The following SYT10 variants were observed in gnomAD, a reference collection of about 807,000 sequenced individuals.
SYT10 encodes synaptotagmin-10.
A neutral mutation model predicts 51.1 loss-of-function variants in SYT10; 31 were observed. The observed-to-expected ratio is 0.61, with a 90% confidence interval of 0.46 to 0.82. The LOEUF is 0.82. Among genes scored for constraint, SYT10 ranks in the 40% least tolerant of loss-of-function variants. SYT10 has a pLI of 0.00. For missense variants in SYT10, 603 were observed against 634.0 expected (o/e 0.95, Z 0.53); for synonymous variants, 233 against 225.9 (o/e 1.03, Z -0.28).
Position 33,380,757 on chromosome 12 carries a change from G to A in SYT10, c.1371-796C>T, listed in dbSNP as rs12296297. On this transcript the variant is annotated intron_variant, in intron 5 of 6. Transcript: ENST00000228567. ...GCCAGACTTTACACACTTAGTAAGA[G>A]GCAGAGACAGGAGCTGAATCAAAGG... 8.6e-3 allele frequency among the ~76,000 whole-genome samples: 1,306 copies of A among 152,218 alleles called. 18 individuals are homozygous for A. Among genetic ancestry groups the A allele is most frequent in the African/African-American group, 0.03 (1,230 of 41,516 alleles).
chr12:33,396,785 G>A (rs1490116787), intron 3 of SYT10, among the ~76,000 whole-genome samples: 2 of 151,758 alleles, frequency 1.3e-5, no homozygotes, highest in Non-Finnish European at 2.9e-5. Flanking sequence ...CTGGGTTGAA[G>A]CAATTCTGCC....
intron 1 of SYT10, among the ~76,000 whole-genome samples, chr12:33,427,961 A>G (rs1311885487): frequency 1.3e-5 from 2 of 152,254 alleles, no homozygotes. Context: ...AAATGAAAAT[A>G]TGCATTTCAG....
intron 5 of SYT10, 110 bp downstream of exon 5, chr12:33,382,239 C>T (rs554230368): frequency 2.1e-5 from 21 of 1,017,290 alleles, no homozygotes; most frequent in Non-Finnish European, 2.7e-5. Context: ...ATTATTCCCT[C>T]CTCCAATTTA....
chr12:33,386,325 C>A (rs577639454), intron 3 of SYT10, among the ~76,000 whole-genome samples: 1 of 152,140 alleles, frequency 6.6e-6, no homozygotes, highest in Non-Finnish European at 1.5e-5. Context: ...ACGTCACACA[C>A]ATAAGGTTTA....
At chr12:33,385,406 C>T (rs1412852755) in intron 3 of SYT10, 115 bp from the exon 4 acceptor site, 2 of 1,393,596 alleles carry the variant, frequency 1.4e-6, no homozygotes, top group African/African-American at 2.9e-5. Context: ...GAGGATAATA[C>T]AGATAACATT....
At position 33,407,183 on chromosome 12, in the gene SYT10, T is replaced by C. The variant is rs761621570; in HGVS notation, c.683A>G (p.Asp228Gly). The change falls in exon 3 of 7, where the codon GAT (aspartate) becomes GGT (glycine). Residue 228 changes from aspartate (D) to glycine (G), a missense_variant. Physicochemically the swap from Asp to Gly is moderately conservative, Grantham distance 94. Coordinates refer to ENST00000228567, the MANE Select transcript of SYT10 (RefSeq NM_198992.4). ...GTTAAGTTTCCCACAGATTTTGACA[T>C]CTTCGTTTTGGTTGCCCTCAGAGTC... ...SVDSEGNQNE[D>G]VKICGKLNFT... 2.5e-6 allele frequency: 4 copies of C among 1,614,192 alleles called. No individual in the cohort carries two copies. The highest frequency in any genetic ancestry group is 3.4e-6 in the Non-Finnish European group (4 of 1,180,028).
At chr12:33,404,627 G>A (rs1489309079) in intron 3 of SYT10, among the ~76,000 whole-genome samples, 4 of 152,014 alleles carry the variant, frequency 2.6e-5, no homozygotes, top group Non-Finnish European at 5.9e-5. Flanking sequence ...TCTTGACCTC[G>A]TGATCCACCC....
rs556751685 is a variant in SYT10 at position 33,426,259 on chromosome 12, C to T, written c.388G>A (p.Ala130Thr). ...GGGGAAGTGTGGCTGATTTTTATTG[C>T]AGGCTCAATAGCTTTTACGGCTGGC... is the stretch of plus-strand genomic sequence containing the variant. ...EKPAVKAIEP[A>T]IKISHTSPDI... Residue 130 changes from alanine (A) to threonine (T), a missense_variant, in exon 2 of 7, where the codon GCA becomes ACA. Coordinates refer to ENST00000228567, the MANE Select transcript of SYT10 (RefSeq NM_198992.4). 3.2e-5 allele frequency: 51 copies of T among 1,614,130 alleles called. No individual in the cohort carries two copies. The highest frequency in any genetic ancestry group is 1.5e-4 in the South Asian group (14 of 91,076).
chr12:33,425,972 T>A (rs1389776012), intron 2 of SYT10, among the ~76,000 whole-genome samples, 166 bp downstream of exon 2: 2 of 151,916 alleles, frequency 1.3e-5, no homozygotes, highest in Non-Finnish European at 2.9e-5. Context: ...CTACCCTTTC[T>A]CTCTTTATTT....
intron 3 of SYT10, among the ~76,000 whole-genome samples, chr12:33,394,491 G>A (rs1284327184): frequency 1.3e-5 from 2 of 152,190 alleles, no homozygotes; most frequent in Non-Finnish European, 2.9e-5. Flanking sequence ...CAGTCGAGTG[G>A]ATAACAAGAA....
intron 2 of SYT10, among the ~76,000 whole-genome samples, chr12:33,422,805 T>TTC (rs1455129794): frequency 2.0e-5 from 3 of 152,256 alleles, no homozygotes; most frequent in Admixed American, 6.5e-5. Flanking sequence ...GAATTCCACA[T>TTC]TCTCCATCAC....
chr12:33,412,742 A>G (rs1866418372), intron 2 of SYT10, among the ~76,000 whole-genome samples: 1 of 152,156 alleles, frequency 6.6e-6, no homozygotes, highest in Non-Finnish European at 1.5e-5. Context: ...GAAAAAACAG[A>G]GCAGAAAACC....
At chr12:33,380,917 T>TC (rs1320431059) in intron 5 of SYT10, among the ~76,000 whole-genome samples, 1 of 152,208 alleles carries the variant, frequency 6.6e-6, no homozygotes, top group Non-Finnish European at 1.5e-5. Context: ...TACTTTTTTT[T>TC]CCATCATTGA....
intron 3 of SYT10, among the ~76,000 whole-genome samples, chr12:33,398,517 C>G (rs1866276899): frequency 6.6e-6 from 1 of 151,740 alleles, no homozygotes; most frequent in Non-Finnish European, 1.5e-5. Flanking sequence ...TGTCTCAAAA[C>G]AAACAAACAA....
intron 1 of SYT10, among the ~76,000 whole-genome samples, chr12:33,438,525 C>A (rs1010789866): frequency 6.6e-6 from 1 of 152,154 alleles, no homozygotes; most frequent in African/African-American, 2.4e-5. Context: ...CACCCCCAAG[C>A]CTTGAGGAAA....
rs774084875 is a variant in SYT10 at position 33,376,901 on chromosome 12, AC to A, written c.1501-1del. ...TCAAAACTGGTCGCCCGGCCAGGTA[AC>A]TGAAAGACAAAAATTTCATAATGTA... On this transcript the variant is annotated splice_acceptor_variant, in intron 6 of 6. Coordinates refer to ENST00000228567, the MANE Select transcript of SYT10 (RefSeq NM_198992.4). LOFTEE classifies it high-confidence loss of function. 17 of 1,613,948 alleles carry A rather than the reference AC, an allele frequency of 1.1e-5. No homozygotes were observed. The highest frequency in any genetic ancestry group is 1.4e-5 in the Non-Finnish European group (16 of 1,179,982).
At chr12:33,418,361 C>A (rs1020746091) in intron 2 of SYT10, among the ~76,000 whole-genome samples, 4 of 152,236 alleles carry the variant, frequency 2.6e-5, no homozygotes, top group Non-Finnish European at 4.4e-5. Context: ...CCTTTTTCTT[C>A]TTTTTCCCAT....
At chr12:33,409,486 G>T (rs1307319531) in intron 2 of SYT10, among the ~76,000 whole-genome samples, 1 of 150,398 alleles carries the variant, frequency 6.6e-6, no homozygotes, top group South Asian at 2.1e-4. Flanking sequence ...CAAAGTGCTG[G>T]GATTACAGGC....
intron 3 of SYT10, among the ~76,000 whole-genome samples, chr12:33,400,073 G>T (rs1477354954): frequency 6.6e-6 from 1 of 152,118 alleles, no homozygotes; most frequent in African/African-American, 2.4e-5. Flanking sequence ...GACCAGAAAG[G>T]TTTGCTCCCT....
Sources: gnomAD v4.1 joint callset for allele counts (sites outside exome capture counted in the v4.1 genomes callset) on GRCh38, gnomAD v4.1.1 for gene constraint, MANE v1.5 for transcripts, NCBI Gene and HGNC (gene_info 2026-07-23, HGNC 2026-07-21) for gene names.